The following KPNA4 variants were observed in gnomAD, a reference collection of about 807,000 sequenced individuals.
The protein encoded by KPNA4 is karyopherin subunit alpha 4.
A neutral mutation model predicts 71.3 loss-of-function variants in KPNA4; 13 were observed. The ratio of observed to expected loss-of-function variants is 0.18; its 90% CI spans 0.12 to 0.29. KPNA4 has a LOEUF of 0.29. KPNA4 is among the 10% of genes least tolerant of loss of function. The pLI is 1.00. For synonymous variants in KPNA4, 189 were observed against 195.2 expected (o/e 0.97, Z 0.26); for missense variants, 334 against 603.2 (o/e 0.55, Z 4.67).
chr3:160,555,959 G>T (rs1722127680), intron 1 of KPNA4, among the ~76,000 whole-genome samples: 1 of 152,166 alleles, frequency 6.6e-6, no homozygotes, highest in African/African-American at 2.4e-5. Context: ...AGCCTCCCAG[G>T]TAGCTGGGAT....
At chr3:160,521,973 C>T (rs1721357774) in intron 10 of KPNA4, 63 bp from the exon 11 acceptor site, 1 of 1,406,968 alleles carries the variant, frequency 7.1e-7, no homozygotes, top group Non-Finnish European at 9.8e-7. Flanking sequence ...TAATTCTTGA[C>T]CAAACAACCA....
At chr3:160,506,172 TA>T (rs1268765072) in intron 15 of KPNA4, among the ~76,000 whole-genome samples, 65 of 151,686 alleles carry the variant, frequency 4.3e-4, no homozygotes, top group African/African-American at 1.4e-3. Flanking sequence ...TACTTTATTT[TA>T]TTTTATTTTT....
chr3:160,552,734 C>T (rs926651401), intron 1 of KPNA4, among the ~76,000 whole-genome samples: 11 of 152,092 alleles, frequency 7.2e-5, no homozygotes, highest in South Asian at 2.1e-4. Context: ...GGACTGGAGG[C>T]GCAGAGAAAG....
Position 160,537,448 on chromosome 3 carries a change from A to G in KPNA4, c.70-608T>C, listed in dbSNP as rs549664330. Among the ~76,000 whole-genome samples the G allele has an allele frequency of 1.3e-4, 20 of 151,752 alleles. No individual in the cohort carries two copies. In the South Asian group the frequency reaches 3.6e-3, roughly 27 times the overall value. ...GTCACCCAATTTTCTATGGCACACC[A>G]TGGCCATTCTTTTACTTTTAAACAT... is the stretch of plus-strand genomic sequence containing the variant. On this transcript the variant is annotated intron_variant, in intron 1 of 16. Coordinates refer to ENST00000334256, the MANE Select transcript of KPNA4 (RefSeq NM_002268.5).
Position 160,546,129 on chromosome 3 carries a change from A to G in KPNA4, c.70-9289T>C, listed in dbSNP as rs1577060629. ...TCCAAATATTTAAAACCAGATCACCAGATGAGATTATCTGCAAAATGAGCA... is the reference window on the plus strand; with the variant it reads ...TCCAAATATTTAAAACCAGATCACCGGATGAGATTATCTGCAAAATGAGCA... On this transcript the variant is annotated intron_variant, in intron 1 of 16. Transcript: ENST00000334256. 1.3e-5 allele frequency among the ~76,000 whole-genome samples: 2 copies of G among 152,144 alleles called. 1 individual carries two copies. Among genetic ancestry groups the G allele is most frequent in the South Asian group, 4.1e-4 (2 of 4,828 alleles).
chr3:160,504,942 C>A lies in KPNA4; in HGVS notation c.1467+16G>T. 7.6e-7 allele frequency: 1 copy of A among 1,307,330 alleles called. No homozygotes were observed. The highest frequency in any genetic ancestry group is 1.6e-5 in the South Asian group (1 of 61,450). 81.0% of individuals were successfully genotyped at this position (1,307,330 alleles called of 1,614,324 possible). A position where few individuals can be genotyped will look rare whatever the true frequency, so the allele number is the denominator to read the frequency against. On this transcript the variant is annotated intron_variant, in intron 16 of 16. Coordinates refer to ENST00000334256, the MANE Select transcript of KPNA4 (RefSeq NM_002268.5). Reference sequence around the variant, plus strand: ...TTTATATATAAAATTAAGAAAACTACAAAATTATTAAATACATCATCTGAA... The same window carrying A: ...TTTATATATAAAATTAAGAAAACTAAAAAATTATTAAATACATCATCTGAA...
At chr3:160,548,217 T>G (rs928369655) in intron 1 of KPNA4, among the ~76,000 whole-genome samples, 2 of 152,158 alleles carry the variant, frequency 1.3e-5, no homozygotes, top group Non-Finnish European at 2.9e-5. Flanking sequence ...TTTTTTTTTG[T>G]TGTTGTTGGT....
At chr3:160,523,205 T>C (rs1242324979) in intron 10 of KPNA4, among the ~76,000 whole-genome samples, 1 of 152,216 alleles carries the variant, frequency 6.6e-6, no homozygotes, top group African/African-American at 2.4e-5. Context: ...GAGTAGTGGC[T>C]CACGCCTGTA....
chr3:160,518,180 T>G (rs888063200), intron 11 of KPNA4, among the ~76,000 whole-genome samples: 1 of 150,912 alleles, frequency 6.6e-6, no homozygotes, highest in Admixed American at 6.6e-5. Flanking sequence ...CAGGCTGGAG[T>G]GCAGTGGCGC....
intron 10 of KPNA4, among the ~76,000 whole-genome samples, chr3:160,524,530 G>A (rs920044276): frequency 6.6e-6 from 1 of 151,906 alleles, no homozygotes; most frequent in Non-Finnish European, 1.5e-5. Flanking sequence ...TTTTCATAGA[G>A]ACAGGGTTTC....
intron 1 of KPNA4, among the ~76,000 whole-genome samples, chr3:160,544,203 A>C (rs1721861308): frequency 7.8e-6 from 1 of 127,430 alleles, no homozygotes; most frequent in African/African-American, 2.5e-5. Flanking sequence ...GACAATTACC[A>C]AACTGTGTGT....
intron 1 of KPNA4, among the ~76,000 whole-genome samples, chr3:160,545,937 G>T (rs1721896506): frequency 6.6e-6 from 1 of 152,204 alleles, no homozygotes; most frequent in Non-Finnish European, 1.5e-5. Context: ...GCCATTTACT[G>T]AGATGGGGCA....
chr3:160,550,242 T>C (rs1338373579), intron 1 of KPNA4, among the ~76,000 whole-genome samples: 9 of 152,226 alleles, frequency 5.9e-5, no homozygotes, highest in Admixed American at 3.3e-4. Flanking sequence ...TAGTACTATG[T>C]TGAAGAGAAA....
rs1720734855 is a variant in KPNA4, at chr3:160,495,340, A to C, written c.*6764T>G. 6.6e-6 allele frequency: 1 copy of C among 152,188 alleles called. No homozygotes were observed. The highest frequency in any genetic ancestry group is 2.4e-5 in the African/African-American group (1 of 41,440). 9.4% of individuals were successfully genotyped at this position (152,188 alleles called of 1,614,324 possible). A position where few individuals can be genotyped will look rare whatever the true frequency, so the allele number is the denominator to read the frequency against. On this transcript the variant is annotated 3_prime_UTR_variant, in exon 17 of 17. Coordinates refer to ENST00000334256, the MANE Select transcript of KPNA4 (RefSeq NM_002268.5). ...GTTGAGAAAGCCAGGATGCAAACAA[A>C]CATTTCCTATCTGCTGTGTATTTTC...
chr3:160,553,315 C>T (rs1428805974), intron 1 of KPNA4, among the ~76,000 whole-genome samples: 2 of 152,116 alleles, frequency 1.3e-5, no homozygotes, highest in South Asian at 2.1e-4. Flanking sequence ...GCACCTGACT[C>T]GGGAAAAGCC....
intron 10 of KPNA4, among the ~76,000 whole-genome samples, chr3:160,524,489 A>T (rs772563813): frequency 6.6e-6 from 1 of 151,788 alleles, no homozygotes; most frequent in Non-Finnish European, 1.5e-5. Flanking sequence ...CTACAGGTGC[A>T]CATCACTATG....
intron 1 of KPNA4, among the ~76,000 whole-genome samples, chr3:160,555,843 A>C (rs559385572): frequency 6.6e-6 from 1 of 151,694 alleles, no homozygotes; most frequent in East Asian, 1.9e-4. Flanking sequence ...TTTATTTATT[A>C]TTTTTGAGAA....
intron 11 of KPNA4, among the ~76,000 whole-genome samples, chr3:160,518,911 T>G (rs912189099): frequency 8.5e-5 from 13 of 152,188 alleles, no homozygotes; most frequent in African/African-American, 3.1e-4. Context: ...TAGGTTTATT[T>G]CTGAACTCGA....
At chr3:160,502,881 C>T (rs1229127022) in intron 16 of KPNA4, among the ~76,000 whole-genome samples, 7 of 151,886 alleles carry the variant, frequency 4.6e-5, no homozygotes, top group Non-Finnish European at 8.8e-5. Flanking sequence ...GAGGCTGAGA[C>T]GGGTGGATCA....
Sources: allele counts gnomAD v4.1 joint callset (sites outside exome capture counted in the v4.1 genomes callset), GRCh38; gene constraint gnomAD v4.1.1; transcripts MANE v1.5; gene names NCBI Gene and HGNC (gene_info 2026-07-23, HGNC 2026-07-21).